The following CNTROB variants were observed in gnomAD, a reference collection of about 807,000 sequenced individuals.
The protein encoded by CNTROB is centrobin, centriole duplication and spindle assembly protein.
Under a neutral mutation model 115.7 loss-of-function variants are expected in CNTROB, and 82 were observed. That is an observed-to-expected ratio of 0.71 (90% confidence interval 0.59 to 0.85). The LOEUF (loss-of-function observed/expected upper bound fraction) is 0.85, where lower values mean the gene tolerates loss of function less well. Among genes scored for constraint, CNTROB ranks in the 40% least tolerant of loss-of-function variants. The pLI, the probability that CNTROB is intolerant of heterozygous loss-of-function variation, is 0.00. For synonymous variants in CNTROB, 439 were observed against 456.4 expected, an observed-to-expected ratio of 0.96 and a Z score of 0.49; for missense variants, 1,014 against 1,144.4, an observed-to-expected ratio of 0.89 and a Z score of 1.64.
chr17:7,935,375 GCCTGTAGTCC>G (rs1011180592), intron 4 of CNTROB, among the ~76,000 whole-genome samples: 2 of 152,146 alleles, frequency 1.3e-5, no homozygotes, highest in African/African-American at 4.8e-5. Flanking sequence ...GGTGGTGGGT[GCCTGTAGTCC>G]CAGCTACTCG....
intron 4 of CNTROB, among the ~76,000 whole-genome samples, chr17:7,935,429 G>T (rs1221465111): frequency 1.3e-5 from 2 of 152,152 alleles, no homozygotes; most frequent in East Asian, 3.9e-4. Context: ...GTGAACCTGG[G>T]AGGCGGAGCT....
In CNTROB at chr17:7,945,956, G is replaced by A. The variant is rs113309330; in HGVS notation, c.1963G>A (p.Glu655Lys). The A allele has an allele frequency of 4.3e-6, 7 of 1,614,170 alleles. No homozygotes were observed. In the African/African-American group the frequency reaches 5.3e-5, roughly 12 times the overall value. Residue 655 changes from glutamate to lysine, a missense_variant, in exon 13 of 19, where the codon GAG becomes AAG. Glu to Lys is a moderately conservative substitution (Grantham distance 56, BLOSUM62 1). Transcript: ENST00000563694. ...GAGCCAGCATTCTTTCCAGCCCCTG[G>A]AGCCCAAACCAGACCTCACTTCATC... is the stretch of plus-strand genomic sequence containing the variant. Reference protein sequence around the residue: ...FQSQHSFQPLEPKPDLTSSTA... With the variant: ...FQSQHSFQPLKPKPDLTSSTA...
chr17:7,947,184 T>A (rs1330908877), intron 13 of CNTROB, among the ~76,000 whole-genome samples: 1 of 146,930 alleles, frequency 6.8e-6, no homozygotes. Flanking sequence ...AAAAGAGAGA[T>A]TAGTTGTAGC....
intron 2 of CNTROB, 96 bp downstream of exon 2, chr17:7,934,318 A>G: frequency 7.2e-7 from 1 of 1,389,194 alleles, no homozygotes; most frequent in Non-Finnish European, 1.0e-6. Context: ...ACCTCTGAGC[A>G]AGAGATTTCA....
At position 7,940,215 on chromosome 17, in the gene CNTROB, C is replaced by G; in HGVS notation, c.1284C>G (p.Ala428=). The change falls in exon 9 of 19, where the codon GCC becomes GCG. Residue 428 remains alanine (A), a synonymous_variant. Transcript: ENST00000563694. ...ELDTARRERD[A]LQLEMSLVQA... Reference sequence around the variant, plus strand: ...ATACAGCTCGGAGAGAGAGAGATGCCCTGCAGCTGGAAATGAGCTTGGTGC... The same window carrying G: ...ATACAGCTCGGAGAGAGAGAGATGCGCTGCAGCTGGAAATGAGCTTGGTGC... 1.2e-6 allele frequency: 2 copies of G among 1,609,790 alleles called. No homozygotes were observed. Among genetic ancestry groups the G allele is most frequent in the Non-Finnish European group, 1.7e-6 (2 of 1,178,788 alleles).
Position 7,948,584 on chromosome 17 carries a change from T to G in CNTROB, c.2478T>G (p.Asp826Glu). Residue 826 changes from aspartate to glutamate, a missense_variant, in exon 17 of 19, where the codon GAT (aspartate) becomes GAG (glutamate). Transcript: ENST00000563694. The surrounding 1 kb of genome is among the most constrained non-coding windows in gnomAD (Gnocchi z 4.4). ...GCTGGGGGGCTCTGCCTGCTGAGGA[T>G]CTCCTGCTCTACCTGAAGAGGCTGG... is the stretch of plus-strand genomic sequence containing the variant. ...ARGWGALPAE[D>E]LLLYLKRLEH... 6.2e-7 allele frequency: 1 copy of G among 1,614,036 alleles called. No homozygotes were observed.
At chr17:7,949,301 C>G in intron 18 of CNTROB, 84 bp from the exon 19 acceptor site, 1 of 1,597,684 alleles carries the variant, frequency 6.3e-7, no homozygotes, top group Non-Finnish European at 8.6e-7. Flanking sequence ...TCATCTGGCC[C>G]TCTCCACGTG....
intron 1 of CNTROB, among the ~76,000 whole-genome samples, chr17:7,933,615 T>G (rs1253446519): frequency 6.6e-6 from 1 of 152,198 alleles, no homozygotes; most frequent in Non-Finnish European, 1.5e-5. Flanking sequence ...GGTAGGTTGG[T>G]GAGCTATTTC....
At chr17:7,936,312 G>T in intron 4 of CNTROB, 54 bp from the exon 5 acceptor site, 2 of 812,846 alleles carry the variant, frequency 2.5e-6, no homozygotes, top group Non-Finnish European at 4.5e-6. Context: ...AAAGTTTGGT[G>T]CTGTGGTCAT....
At position 7,948,227 on chromosome 17, in the gene CNTROB, C is replaced by A. The variant is rs1974788103; in HGVS notation, c.2280C>A (p.Thr760=). ...VPRIPPPVHK[T]KVPLAMASSL... is the part of the protein sequence containing the mutation. ...GTATTCCACCGCCTGTCCACAAAACCAAAGTTCCCTTAGCCATGGCATCCA... is the reference window on the plus strand; with the variant it reads ...GTATTCCACCGCCTGTCCACAAAACAAAAGTTCCCTTAGCCATGGCATCCA... Residue 760 remains threonine (T), a synonymous_variant, in exon 16 of 19, where the codon ACC becomes ACA. Transcript: ENST00000563694. This position sits in a 1 kb window ranked among gnomAD's most constrained non-coding sequence, Gnocchi z 4.4. 1 of 1,614,044 alleles carries A rather than the reference C, an allele frequency of 6.2e-7. No individual in the cohort carries two copies. The highest frequency in any genetic ancestry group is 1.1e-5 in the South Asian group (1 of 91,092).
rs531444419 is a variant in CNTROB, at chr17:7,937,107, A to G, written c.829-57A>G. On this transcript the variant is annotated intron_variant, in intron 6 of 18. Coordinates refer to ENST00000563694, the MANE Select transcript of CNTROB (RefSeq NM_053051.5). ...TTACATTGTCAATGCTTTATAAAATATAGCACACACAGATTTCCCACAGTT... is the reference window on the plus strand; with the variant it reads ...TTACATTGTCAATGCTTTATAAAATGTAGCACACACAGATTTCCCACAGTT... 217 of 1,600,598 alleles carry G rather than the reference A, an allele frequency of 1.4e-4. No homozygotes were observed. The South Asian group carries it at 2.2e-3, about 16-fold the overall frequency.
chr17:7,936,281 C>T, intron 4 of CNTROB, 85 bp from the exon 5 acceptor site: 1 of 767,408 alleles, frequency 1.3e-6, no homozygotes, highest in Admixed American at 1.7e-5. Context: ...CTCCAGCCCA[C>T]TCCCCCACTA....
rs1441165678 is a variant in CNTROB, at chr17:7,949,584, G to C, written c.*74G>C. The C allele has an allele frequency of 8.3e-6, 12 of 1,437,684 alleles. No homozygotes were observed. The highest frequency in any genetic ancestry group is 1.5e-5 in the South Asian group (1 of 66,574). 89.1% of individuals were successfully genotyped at this position (1,437,684 alleles called of 1,614,324 possible). On this transcript the variant is annotated 3_prime_UTR_variant, in exon 19 of 19. Transcript: ENST00000563694. ...TAAATGCTCATTAGTCTGTATCAGA[G>C]TCTCTGGCTCATAGGAATTTGGAAA...
In CNTROB at chr17:7,936,471, C is replaced by T; in HGVS notation, c.700C>T (p.Gln234Ter). 1.4e-6 allele frequency: 2 copies of T among 1,384,758 alleles called. No homozygotes were observed. Among genetic ancestry groups the T allele is most frequent in the Non-Finnish European group, 2.1e-6 (2 of 970,574 alleles). The allele number at this position is 1,384,758 out of a possible 1,614,324, so 85.8% of individuals were successfully genotyped here. A position where few individuals can be genotyped will look rare whatever the true frequency, so the allele number is the denominator to read the frequency against. ...ADRKKDTMIEQLDKTLARVVE... is the reference protein window; with the variant it reads ...ADRKKDTMIE ...CCGCAAGAAAGATACCATGATTGAACAACTGGACAAGGTACCAGGGTAGCA... is the reference window on the plus strand; with the variant it reads ...CCGCAAGAAAGATACCATGATTGAATAACTGGACAAGGTACCAGGGTAGCA... Residue 234 changes from glutamine (Q) to a stop codon, truncating the protein, a stop_gained, in exon 5 of 19, where the codon CAA becomes TAA. Transcript: ENST00000563694. LOFTEE classifies it high-confidence loss of function.
rs764775970 is a variant in CNTROB at position 7,948,709 on chromosome 17, CGTT to C, written c.2513+93_2513+95del. On this transcript the variant is annotated intron_variant, in intron 17 of 18. Transcript: ENST00000563694. The surrounding 1 kb of genome is among the most constrained non-coding windows in gnomAD (Gnocchi z 4.4). The stretch of plus-strand genomic sequence containing the variant: ...GGGTGTGTTTTACACTGAATTGAAT[CGTT>C]GTCCTTTTCTGGGGAGGAAAGTGAA... 71 of 1,612,058 alleles carry C rather than the reference CGTT, an allele frequency of 4.4e-5. 1 individual carries two copies. Among genetic ancestry groups the C allele is most frequent in the Non-Finnish European group, 5.7e-5 (67 of 1,178,572 alleles).
rs551139444 is a variant in CNTROB at position 7,948,555 on chromosome 17, C to T, written c.2449C>T (p.Arg817Trp). The stretch of plus-strand genomic sequence containing the variant: ...TCAACTGTTGCGACTCTACCAGGCT[C>T]GGGGCTGGGGGGCTCTGCCTGCTGA... ...VSQLLRLYQA[R>W]GWGALPAEDL... The change falls in exon 17 of 19, where the codon CGG (arginine) becomes TGG (tryptophan). Residue 817 changes from arginine to tryptophan, a missense_variant. Coordinates refer to ENST00000563694, the MANE Select transcript of CNTROB (RefSeq NM_053051.5). The surrounding 1 kb of genome is among the most constrained non-coding windows in gnomAD (Gnocchi z 4.4). The T allele has an allele frequency of 1.2e-5, 20 of 1,613,950 alleles. No individual in the cohort carries two copies. The highest frequency in any genetic ancestry group is 1.1e-4 in the South Asian group (10 of 91,064).
In CNTROB at chr17:7,936,737, G is replaced by A. The variant is rs780505947; in HGVS notation, c.748G>A (p.Glu250Lys). The change falls in exon 6 of 19, where the codon GAG becomes AAG. Residue 250 changes from glutamate (E) to lysine (K), a missense_variant. Glu to Lys is a moderately conservative substitution (Grantham distance 56). Coordinates refer to ENST00000563694, the MANE Select transcript of CNTROB (RefSeq NM_053051.5). Reference protein sequence around the residue: ...ARVVEGWNRHEAERTEVLRGL... With the variant: ...ARVVEGWNRHKAERTEVLRGL... ...TGTGGTGGAGGGCTGGAACCGGCAT[G>A]AGGCTGAGCGGACAGAGGTTCTCAG... 1.9e-6 allele frequency: 3 copies of A among 1,553,708 alleles called. No individual in the cohort carries two copies. In the South Asian group the frequency reaches 3.3e-5, roughly 17 times the overall value.
intron 3 of CNTROB, among the ~76,000 whole-genome samples, 196 bp downstream of exon 3, chr17:7,934,742 T>C (rs897300475): frequency 2.6e-5 from 4 of 152,258 alleles, no homozygotes; most frequent in African/African-American, 4.8e-5. Flanking sequence ...TGTTGCCTAG[T>C]ACCTGGCTTT....
Position 7,948,051 on chromosome 17 carries a change from T to A in CNTROB, c.2209+72T>A. ...TCGGAGTTGGTTATCTAGGATGAAT[T>A]TTTAGGAGCTGGCAAAAGTAATAAA... is the stretch of plus-strand genomic sequence containing the variant. On this transcript the variant is annotated intron_variant, in intron 15 of 18. Transcript: ENST00000563694. This position sits in a 1 kb window ranked among gnomAD's most constrained non-coding sequence, Gnocchi z 4.4. The A allele has an allele frequency of 6.3e-7, 1 of 1,599,238 alleles. No homozygotes were observed. Among genetic ancestry groups the A allele is most frequent in the South Asian group, 1.1e-5 (1 of 90,696 alleles).
Sources: gnomAD v4.1 joint callset for allele counts (sites outside exome capture counted in the v4.1 genomes callset) on GRCh38, gnomAD v4.1.1 for gene constraint, Gnocchi (gnomAD v3.1) non-coding constraint, MANE v1.5 for transcripts, NCBI Gene and HGNC (gene_info 2026-07-23, HGNC 2026-07-21) for gene names.